Variants in POLR3B observed in about 807,000 individuals in gnomAD.
The protein encoded by POLR3B is DNA-directed RNA polymerase III subunit RPC2.
A neutral mutation model predicts 147.4 loss-of-function variants in POLR3B; 96 were observed. The ratio of observed to expected loss-of-function variants is 0.65; its 90% CI spans 0.55 to 0.77. The LOEUF (loss-of-function observed/expected upper bound fraction) is 0.77, where lower values mean the gene tolerates loss of function less well. Ranked by LOEUF, POLR3B falls within the 30% of genes least tolerant of loss-of-function variation. The pLI, the probability that POLR3B is intolerant of heterozygous loss-of-function variation, is 0.00. For missense variants in POLR3B, 1,036 were observed against 1,413.5 expected (o/e 0.73, Z 4.28); for synonymous variants, 461 against 485.9 (o/e 0.95, Z 0.67).
At chr12:106,378,691 T>C (rs2036716555) in intron 8 of POLR3B, among the ~76,000 whole-genome samples, 1 of 152,148 alleles carries the variant, frequency 6.6e-6, no homozygotes, top group Non-Finnish European at 1.5e-5. Flanking sequence ...TTTTTCACAC[T>C]CCTTTTCAGC....
Position 106,463,586 on chromosome 12 carries a change from T to C in POLR3B, c.2679T>C (p.Ile893=), listed in dbSNP as rs1592755664. 1 of 1,613,758 alleles carries C rather than the reference T, an allele frequency of 6.2e-7. No homozygotes were observed. Among genetic ancestry groups the C allele is most frequent in the African/African-American group, 1.3e-5 (1 of 75,036 alleles). The change falls in exon 23 of 28, where the codon ATT becomes ATC. Residue 893 remains isoleucine, a synonymous_variant. Coordinates refer to ENST00000228347, the MANE Select transcript of POLR3B (RefSeq NM_018082.6). ...MLLRQTRRPE[I]GDKFSSRHGQ... Reference sequence around the variant, plus strand: ...TGAGACAGACAAGGCGTCCAGAAATTGGAGACAAATTCAGCAGTCGTCATG... The same window carrying C: ...TGAGACAGACAAGGCGTCCAGAAATCGGAGACAAATTCAGCAGTCGTCATG...
chr12:106,498,287 G>A (rs1592778052), intron 25 of POLR3B, among the ~76,000 whole-genome samples: 1 of 152,188 alleles, frequency 6.6e-6, no homozygotes, highest in Admixed American at 6.5e-5. Flanking sequence ...TGGCTGCGGT[G>A]CAGTGAAGAG....
chr12:106,380,268 A>G (rs1285446736), intron 9 of POLR3B, 129 bp downstream of exon 9: 20 of 680,974 alleles, frequency 2.9e-5, no homozygotes, highest in Non-Finnish European at 3.7e-5. Context: ...TGTCAGTCAT[A>G]TGATGTATTT....
chr12:106,446,146 G>C, intron 19 of POLR3B: 1 of 441,638 alleles, frequency 2.3e-6, no homozygotes, highest in Admixed American at 2.4e-5. Flanking sequence ...ACTGAACCCT[G>C]TGTGTCATGA....
At chr12:106,392,423 A>C (rs1385897909) in intron 9 of POLR3B, among the ~76,000 whole-genome samples, 13 of 152,160 alleles carry the variant, frequency 8.5e-5, no homozygotes, top group Admixed American at 8.5e-4. Context: ...TCGGCCTCCC[A>C]AAGTGCTAGG....
intron 12 of POLR3B, among the ~76,000 whole-genome samples, chr12:106,414,130 T>C (rs2037268359): frequency 6.6e-6 from 1 of 151,566 alleles, no homozygotes; most frequent in South Asian, 2.1e-4. Context: ...TGGACCACTA[T>C]TTTTATTTCC....
intron 11 of POLR3B, among the ~76,000 whole-genome samples, chr12:106,409,361 T>TTTG (rs2037192236): frequency 6.9e-6 from 1 of 145,544 alleles, no homozygotes; most frequent in African/African-American, 2.6e-5. Flanking sequence ...TTTTGTTTTT[T>TTTG]TTTTTTTTTT....
Position 106,437,140 on chromosome 12 carries a change from C to G in POLR3B, c.1856+9C>G, listed in dbSNP as rs748013090. 2 of 1,591,650 alleles carry G rather than the reference C, an allele frequency of 1.3e-6. No homozygotes were observed. The highest frequency in any genetic ancestry group is 2.7e-5 in the African/African-American group (2 of 74,456). ...CTGGCCCAAGGGTACAGGTAAGTAG[C>G]CAAAAGTAAAACTTACCAATCTCCT... On this transcript the variant is annotated intron_variant, in intron 17 of 27. Transcript: ENST00000228347.
At chr12:106,416,439 C>T (rs2136942945) in intron 12 of POLR3B, among the ~76,000 whole-genome samples, 1 of 152,240 alleles carries the variant, frequency 6.6e-6, no homozygotes, top group Middle Eastern at 3.4e-3. Context: ...GCTGCCCCTC[C>T]CATCTGTCTG....
In POLR3B at chr12:106,368,857, G is replaced by A. The variant is rs146031509; in HGVS notation, c.228-418G>A. 2.8e-3 allele frequency among the ~76,000 whole-genome samples: 425 copies of A among 151,834 alleles called. 4 individuals carry two copies. Among genetic ancestry groups the A allele is most frequent in the African/African-American group, 9.6e-3 (399 of 41,412 alleles). Reference sequence around the variant, plus strand: ...TAGGTAACCAATCTCATTAGTTTCCGCTTTATCCTTTTCATCCTTCTTTTG... The same window carrying A: ...TAGGTAACCAATCTCATTAGTTTCCACTTTATCCTTTTCATCCTTCTTTTG... On this transcript the variant is annotated intron_variant, in intron 4 of 27. Transcript: ENST00000228347.
chr12:106,486,142 A>G (rs989840524), intron 23 of POLR3B, among the ~76,000 whole-genome samples: 1 of 151,964 alleles, frequency 6.6e-6, no homozygotes, highest in African/African-American at 2.4e-5. Context: ...ACAAAAAATT[A>G]GTTGGGCGTG....
chr12:106,381,741 CT>C (rs777251215), intron 9 of POLR3B, among the ~76,000 whole-genome samples: 2 of 152,056 alleles, frequency 1.3e-5, no homozygotes, highest in Non-Finnish European at 2.9e-5. Context: ...TACAAACATT[CT>C]TTTTTTTAAA....
In POLR3B at chr12:106,448,490, G is replaced by A. The variant is rs535063972; in HGVS notation, c.2083+3900G>A. 4.7e-5 allele frequency among the ~76,000 whole-genome samples: 6 copies of A among 129,012 alleles called. No homozygotes were observed. The East Asian group carries it at 1.4e-3, about 29-fold the overall frequency. 84.6% of individuals were successfully genotyped at this position (129,012 alleles called of 152,430 possible). On this transcript the variant is annotated intron_variant, in intron 19 of 27. Coordinates refer to ENST00000228347, the MANE Select transcript of POLR3B (RefSeq NM_018082.6). ...GTCTTGCTGTCACCCAGGCTGGAGT[G>A]CAGTGGCACGATCACAACTCACTGT...
At chr12:106,490,284 A>G (rs940062858) in intron 23 of POLR3B, among the ~76,000 whole-genome samples, 3 of 152,118 alleles carry the variant, frequency 2.0e-5, no homozygotes, top group Admixed American at 6.6e-5. Flanking sequence ...TAAAGTTCCT[A>G]TGGTTATTGT....
intron 23 of POLR3B, among the ~76,000 whole-genome samples, chr12:106,464,593 G>A (rs1463494390): frequency 6.6e-6 from 1 of 152,142 alleles, no homozygotes; most frequent in Admixed American, 6.6e-5. Flanking sequence ...CAGTGTGCCT[G>A]GCACACATAG....
intron 6 of POLR3B, among the ~76,000 whole-genome samples, chr12:106,372,592 C>T (rs927508412): frequency 3.0e-4 from 45 of 152,064 alleles, no homozygotes; most frequent in African/African-American, 1.0e-3. Context: ...CCACTCGCCT[C>T]GGTCTCCCAA....
At chr12:106,421,239 A>C (rs187909680) in intron 12 of POLR3B, among the ~76,000 whole-genome samples, 15 of 152,152 alleles carry the variant, frequency 9.9e-5, no homozygotes, top group Non-Finnish European at 1.5e-4. Flanking sequence ...TAAAAAAAAA[A>C]ACACAACAAC....
intron 10 of POLR3B, among the ~76,000 whole-genome samples, chr12:106,402,649 A>G (rs1349008424): frequency 2.6e-5 from 4 of 152,204 alleles, no homozygotes; most frequent in South Asian, 2.1e-4. Flanking sequence ...CTCAGAAATA[A>G]TGCCACATAT....
At chr12:106,422,658 A>G (rs1282500272) in intron 12 of POLR3B, among the ~76,000 whole-genome samples, 1 of 152,190 alleles carries the variant, frequency 6.6e-6, no homozygotes, top group Non-Finnish European at 1.5e-5. Flanking sequence ...TCCAAAATGC[A>G]TCTCTATCAT....
Sources: gnomAD v4.1 joint callset for allele counts (sites outside exome capture counted in the v4.1 genomes callset) on GRCh38, gnomAD v4.1.1 for gene constraint, MANE v1.5 for transcripts, NCBI Gene and HGNC (gene_info 2026-07-23, HGNC 2026-07-21) for gene names.